The following ZNF469 variants were observed in gnomAD, a reference collection of about 807,000 sequenced individuals.
The protein encoded by ZNF469 is zinc finger protein 469.
Under a neutral mutation model 1.0 loss-of-function variants are expected in ZNF469, and 1 was observed. The observed-to-expected ratio is 1.00, with a 90% confidence interval of 0.35 to 4.73. The LOEUF (loss-of-function observed/expected upper bound fraction) is 4.73. Ranked by LOEUF, ZNF469 falls within the 30% of genes most tolerant of loss-of-function variation. The probability of loss-of-function intolerance (pLI) is 0.16; values close to 1 mark genes in which losing one functional copy is unlikely to be tolerated. For synonymous variants in ZNF469, 2,703 were observed against 2,363.4 expected (o/e 1.14, Z -4.17); for missense variants, 6,100 against 5,356.3 (o/e 1.14, Z -4.33).
At chr16:88,358,828 C>G in the ZNF469 span, among the ~76,000 whole-genome samples, 3 of 152,066 alleles carry the variant, frequency 2.0e-5, no homozygotes, top group African/African-American at 7.2e-5. Context: ...AAGCGATTCT[C>G]CTGCCTCAGC....
chr16:88,433,047 G>A lies in ZNF469; in HGVS notation c.5577G>A (p.Pro1859=), dbSNP rs764487066. 1,084 of 1,550,168 alleles carry A rather than the reference G, an allele frequency of 7.0e-4. 1 individual carries two copies. Among genetic ancestry groups the A allele is most frequent in the Non-Finnish European group, 8.7e-4 (999 of 1,146,962 alleles). Residue 1859 remains proline (P), a synonymous_variant, in exon 3 of 3, where the codon CCG becomes CCA. Coordinates refer to ENST00000565624, the MANE Select transcript of ZNF469 (RefSeq NM_001367624.2). ...GCTTTGAGGGTAATGAGTTTGCACC[G>A]GCGGGGGCCTCCTCACTGACTGCCC... ...RPGFEGNEFA[P]AGASSLTAPR... is the part of the protein sequence containing the mutation.
the ZNF469 span, among the ~76,000 whole-genome samples, chr16:88,273,572 C>T: frequency 6.6e-6 from 1 of 152,364 alleles, no homozygotes; most frequent in East Asian, 1.9e-4. Context: ...AATGGCACCG[C>T]ATCTGTGGAA....
chr16:88,344,259 G>T, the ZNF469 span, among the ~76,000 whole-genome samples: 2 of 143,654 alleles, frequency 1.4e-5, no homozygotes, highest in Non-Finnish European at 3.1e-5. Context: ...AGAGGCGATG[G>T]GGGGGCGGGT....
rs567038987 is a variant in ZNF469, at chr16:88,432,299, G to A, written c.4829G>A (p.Arg1610His). The A allele has an allele frequency of 8.0e-5, 124 of 1,547,072 alleles. No individual in the cohort carries two copies. Among genetic ancestry groups the A allele is most frequent in the East Asian group, 2.2e-4 (9 of 40,914 alleles). Residue 1610 changes from arginine to histidine, a missense_variant, in exon 3 of 3, where the codon CGC becomes CAC. Physicochemically the swap from Arg to His is conservative, Grantham distance 29. Transcript: ENST00000565624. ...GTGTEPPSQR[R>H]TCQATVPHED... The stretch of plus-strand genomic sequence containing the variant: ...GGCACAGAGCCACCCTCCCAACGGC[G>A]CACCTGCCAGGCCACCGTGCCCCAC...
chr16:88,300,250 G>A, the ZNF469 span, among the ~76,000 whole-genome samples: 10 of 152,272 alleles, frequency 6.6e-5, no homozygotes, highest in East Asian at 1.9e-3. Context: ...ACTGCAGTTC[G>A]CAACAGTCCT....
the ZNF469 span, among the ~76,000 whole-genome samples, chr16:88,102,057 C>A: frequency 2.2e-5 from 3 of 138,776 alleles, no homozygotes; most frequent in Non-Finnish European, 3.2e-5. Context: ...ACATTCACCC[C>A]CCCACCCCCG....
chr16:88,435,546 G>T lies in ZNF469; in HGVS notation c.8076G>T (p.Pro2692=). 1 of 1,549,574 alleles carries T rather than the reference G, an allele frequency of 6.5e-7. No homozygotes were observed. Residue 2692 remains proline, a synonymous_variant, in exon 3 of 3, where the codon CCG becomes CCT. Transcript: ENST00000565624. Reference sequence around the variant, plus strand: ...GGCCTGAGGCTGACGGGGAGCAGCCGCCTCGCTTGGCCACTCTGGGACCTG... The same window carrying T: ...GGCCTGAGGCTGACGGGGAGCAGCCTCCTCGCTTGGCCACTCTGGGACCTG... The part of the protein sequence containing the change: ...EGGPEADGEQ[P]PRLATLGPGV...
rs1453917259 is a variant in ZNF469 at position 88,434,473 on chromosome 16, G to A, written c.7003G>A (p.Ala2335Thr). 1.9e-6 allele frequency: 3 copies of A among 1,549,858 alleles called. No individual in the cohort carries two copies. Among genetic ancestry groups the A allele is most frequent in the Admixed American group, 2.0e-5 (1 of 51,008 alleles). ...GHSSYSPSNT[A>T]RLGHREGQAV... ...CTCCTCGTATTCTCCAAGCAATACT[G>A]CCCGCCTCGGCCACAGGGAGGGCCA... The change falls in exon 3 of 3, where the codon GCC (alanine) becomes ACC (threonine). Residue 2335 changes from alanine (A) to threonine (T), a missense_variant. Coordinates refer to ENST00000565624, the MANE Select transcript of ZNF469 (RefSeq NM_001367624.2).
chr16:88,179,148 G>A, the ZNF469 span, among the ~76,000 whole-genome samples: 2 of 152,162 alleles, frequency 1.3e-5, no homozygotes, highest in Non-Finnish European at 2.9e-5. Context: ...GCATTGCCTG[G>A]TGCTGTGGTT....
chr16:88,117,125 C>T, the ZNF469 span, among the ~76,000 whole-genome samples: 31 of 151,580 alleles, frequency 2.0e-4, no homozygotes, highest in African/African-American at 6.1e-4. Flanking sequence ...GTCAGGGATG[C>T]GTGAGGGCCA....
chr16:88,148,090 G>T, the ZNF469 span, among the ~76,000 whole-genome samples: 2 of 152,024 alleles, frequency 1.3e-5, no homozygotes, highest in Admixed American at 6.5e-5. Context: ...GGCGACTGCA[G>T]CTTCCTTCGT....
chr16:88,400,128 C>T lies in ZNF469; in HGVS notation c.-192+16874C>T, dbSNP rs1318959889. On this transcript the variant is annotated intron_variant, in intron 1 of 2. Coordinates refer to ENST00000565624, the MANE Select transcript of ZNF469 (RefSeq NM_001367624.2). ...TCAGCAGCAAATGCCATCATGCCAT[C>T]ACTGGGGAGGCGCAGAGCCAATGGC... Among the ~76,000 whole-genome samples, 4 of 152,240 alleles carry T rather than the reference C, an allele frequency of 2.6e-5. No homozygotes were observed. In the East Asian group the frequency reaches 7.7e-4, roughly 29 times the overall value.
the ZNF469 span, among the ~76,000 whole-genome samples, chr16:88,167,882 A>G: frequency 6.6e-6 from 1 of 152,196 alleles, no homozygotes; most frequent in African/African-American, 2.4e-5. Flanking sequence ...TAATGAGAAT[A>G]ATGTTGGCTT....
the ZNF469 span, among the ~76,000 whole-genome samples, chr16:88,308,768 T>C: frequency 6.6e-6 from 1 of 152,094 alleles, no homozygotes; most frequent in African/African-American, 2.4e-5. Flanking sequence ...CTGGGAGGTT[T>C]TTCCTCATCT....
chr16:88,353,614 C>A, the ZNF469 span, among the ~76,000 whole-genome samples: 33 of 152,374 alleles, frequency 2.2e-4, no homozygotes, highest in Non-Finnish European at 4.4e-4. Flanking sequence ...GGTGTTGCTT[C>A]AGAGCATGCG....
At chr16:88,130,085 C>T in the ZNF469 span, among the ~76,000 whole-genome samples, 3 of 152,128 alleles carry the variant, frequency 2.0e-5, no homozygotes, top group Non-Finnish European at 4.4e-5. Context: ...AAACCGAATG[C>T]GTGGGTCGGC....
chr16:88,336,147 ACG>A, the ZNF469 span, among the ~76,000 whole-genome samples: 1 of 149,484 alleles, frequency 6.7e-6, no homozygotes, highest in Non-Finnish European at 1.5e-5. Flanking sequence ...TTCATCCTTC[ACG>A]TGAGACACTA....
chr16:88,230,724 G>A, the ZNF469 span, among the ~76,000 whole-genome samples: 1 of 59,158 alleles, frequency 1.7e-5, no homozygotes, highest in Non-Finnish European at 5.9e-5. Context: ...CTGAGCCTCC[G>A]GGGACCCCCC....
the ZNF469 span, among the ~76,000 whole-genome samples, chr16:88,156,034 A>G: frequency 6.6e-6 from 1 of 152,124 alleles, no homozygotes; most frequent in Non-Finnish European, 1.5e-5. Flanking sequence ...CTTGCTGGCC[A>G]TTGTGTATCT....
Sources: gnomAD v4.1 joint callset for allele counts (sites outside exome capture counted in the v4.1 genomes callset) on GRCh38, gnomAD v4.1.1 for gene constraint, MANE v1.5 for transcripts, NCBI Gene and HGNC (gene_info 2026-07-23, HGNC 2026-07-21) for gene names.